Variants in ARRDC2 observed in about 807,000 individuals in gnomAD.
The protein encoded by ARRDC2 is arrestin domain-containing protein 2.
ARRDC2 carries 39 observed loss-of-function variants against 38.9 expected under a neutral mutation model. The observed-to-expected ratio is 1.00, with a 90% CI of 0.78 to 1.31. ARRDC2 has a LOEUF of 1.31. ARRDC2 is among the 50% of genes most tolerant of loss of function. The pLI, the probability that ARRDC2 is intolerant of heterozygous loss-of-function variation, is 0.00. For missense variants in ARRDC2, 553 were observed against 588.4 expected, an observed-to-expected ratio of 0.94 and a Z score of 0.62; for synonymous variants, 300 against 261.9, an observed-to-expected ratio of 1.15 and a Z score of -1.41.
upstream of ARRDC2, among the ~76,000 whole-genome samples, chr19:18,004,245 C>CTTTT (rs34248029): frequency 7.0e-5 from 8 of 114,778 alleles, no homozygotes; most frequent in East Asian, 2.9e-4. Context: ...GCCGGGCTAA[C>CTTTT]TTTTTTTTTT....
chr19:18,009,220 C>T (rs1391772531), intron 3 of ARRDC2, 102 bp downstream of exon 3: 15 of 1,396,396 alleles, frequency 1.1e-5, no homozygotes, highest in Admixed American at 2.0e-5. Context: ...CATAGGTGGG[C>T]CCTGGCAGGG....
At chr19:18,009,538 G>A (rs911725538) in intron 3 of ARRDC2, 54 bp from the exon 4 acceptor site, 12 of 1,494,476 alleles carry the variant, frequency 8.0e-6, no homozygotes, top group African/African-American at 2.8e-5. Context: ...GCTCCACAGC[G>A]ACTGTGGTTT....
At chr19:18,005,576 G>A (rs2033255622), upstream of ARRDC2, among the ~76,000 whole-genome samples, 2 of 150,900 alleles carry the variant, frequency 1.3e-5, no homozygotes, top group Non-Finnish European at 3.0e-5. Flanking sequence ...GCCGGGCAGA[G>A]GTGCCCCCTC....
At chr19:18,006,434 G>A (rs928761880), upstream of ARRDC2, among the ~76,000 whole-genome samples, 4 of 152,208 alleles carry the variant, frequency 2.6e-5, no homozygotes, top group African/African-American at 7.2e-5. Context: ...AGACCAGCCG[G>A]GCCAACACAG....
At position 18,001,589 on chromosome 19, in the gene ARRDC2, C is replaced by G. The variant is rs533797268; in HGVS notation, c.259+16C>G. ...CTGCTCCGAGGTGAGACACTCGTCG[C>G]GCCGCCCCCGCAGCAGCCGGGACCC... On this transcript the variant is annotated intron_variant, in intron 1 of 7. Coordinates refer to the ARRDC2 transcript ENST00000379656. 1,926 of 1,307,628 alleles carry G rather than the reference C, an allele frequency of 1.5e-3. 3 individuals are homozygous for G. The highest frequency in any genetic ancestry group is 2.6e-3 in the Middle Eastern group (9 of 3,448). 81.0% of individuals were successfully genotyped at this position (1,307,628 alleles called of 1,614,324 possible).
chr19:18,011,170 G>A (rs1205078139), intron 7 of ARRDC2, among the ~76,000 whole-genome samples: 1 of 152,126 alleles, frequency 6.6e-6, no homozygotes, highest in Non-Finnish European at 1.5e-5. Flanking sequence ...GCTAATTTTT[G>A]TATTTTTAGT....
chr19:18,003,098 TCAAAAA>T (rs960345302), intron 1 of ARRDC2, among the ~76,000 whole-genome samples: 31 of 151,686 alleles, frequency 2.0e-4, no homozygotes, highest in African/African-American at 4.6e-4. Flanking sequence ...AAACTCCGTC[TCAAAAA>T]CAAAAACAAA....
Position 18,009,654 on chromosome 19 carries a change from C to T in ARRDC2, c.552C>T (p.Val184=). 1 of 1,611,196 alleles carries T rather than the reference C, an allele frequency of 6.2e-7. No homozygotes were observed. Among genetic ancestry groups the T allele is most frequent in the Non-Finnish European group, 8.5e-7 (1 of 1,177,826 alleles). The part of the protein sequence containing the change: ...ARSWYCNRGL[V]SLSAKIDRKG... Reference sequence around the variant, plus strand: ...CCTGGTACTGTAACCGTGGCCTAGTCTCCCTTTCGGCCAAGATCGACCGCA... The same window carrying T: ...CCTGGTACTGTAACCGTGGCCTAGTTTCCCTTTCGGCCAAGATCGACCGCA... Residue 184 remains valine (V), a synonymous_variant, in exon 4 of 8, where the codon GTC becomes GTT. Coordinates refer to ENST00000222250, the MANE Select transcript of ARRDC2 (RefSeq NM_015683.2).
chr19:18,004,239 G>A (rs2033230775), upstream of ARRDC2, among the ~76,000 whole-genome samples: 2 of 144,132 alleles, frequency 1.4e-5, no homozygotes, highest in Admixed American at 1.4e-4. Flanking sequence ...AAATTAGCCG[G>A]GCTAACTTTT....
At chr19:18,001,638 G>A in intron 1 of ARRDC2, 1 of 1,270,000 alleles carries the variant, frequency 7.9e-7, no homozygotes, top group Non-Finnish European at 9.9e-7. Flanking sequence ...CCTCTTCAGG[G>A]CCGGAAGCCT....
chr19:18,009,440 C>T (rs1473721625), intron 3 of ARRDC2, 152 bp from the exon 4 acceptor site: 10 of 711,032 alleles, frequency 1.4e-5, no homozygotes, highest in Non-Finnish European at 1.9e-5. Flanking sequence ...GGTTGTGTTC[C>T]TGGCTCTATT....
exon 1 of ARRDC2, chr19:18,001,563 G>C (rs987116358): frequency 5.2e-6 from 7 of 1,356,162 alleles, no homozygotes; most frequent in Non-Finnish European, 6.7e-6. Context: ...GTCGGCAGCT[G>C]CTGCTCCGAG....
intron 1 of ARRDC2, among the ~76,000 whole-genome samples, chr19:18,002,776 C>G (rs530908798): frequency 6.6e-6 from 1 of 152,124 alleles, no homozygotes; most frequent in Non-Finnish European, 1.5e-5. Context: ...ACCCGAAGGC[C>G]GGCCCAGACA....
Position 18,010,232 on chromosome 19 carries a change from C to T in ARRDC2, c.886C>T (p.Leu296=). The T allele has an allele frequency of 1.9e-6, 3 of 1,613,690 alleles. No individual in the cohort carries two copies. The highest frequency in any genetic ancestry group is 2.5e-6 in the Non-Finnish European group (3 of 1,179,952). ...VDIPGTSKLL[L]ELPLVIGTIP... is the part of the protein sequence containing the mutation. ...TATCCCAGGAACGTCCAAGCTGCTG[C>T]TGGAGCTGCCACTGGTGATCGGCAC... The change falls in exon 6 of 8, where the codon CTG becomes TTG. Residue 296 remains leucine, a synonymous_variant. Coordinates refer to ENST00000222250, the MANE Select transcript of ARRDC2 (RefSeq NM_015683.2).
chr19:18,013,153 T>G lies in ARRDC2; in HGVS notation c.*187T>G. 1.6e-6 allele frequency: 1 copy of G among 610,744 alleles called. No individual in the cohort carries two copies. The highest frequency in any genetic ancestry group is 2.9e-6 in the Non-Finnish European group (1 of 349,516). 37.8% of individuals were successfully genotyped at this position (610,744 alleles called of 1,614,324 possible). A position where few individuals can be genotyped will look rare whatever the true frequency, so the allele number is the denominator to read the frequency against. The stretch of plus-strand genomic sequence containing the variant: ...AGGAAGAGCCCGGCTGGAATCTGAC[T>G]TACCTGGACCGCTGTCCTTGTGAGG... On this transcript the variant is annotated 3_prime_UTR_variant, in exon 8 of 8. Coordinates refer to ENST00000222250, the MANE Select transcript of ARRDC2 (RefSeq NM_015683.2).
chr19:18,001,334 G>A, exon 1 of ARRDC2: 1 of 1,194,992 alleles, frequency 8.4e-7, no homozygotes, highest in Non-Finnish European at 1.0e-6. Flanking sequence ...GGGGGCGTGC[G>A]CAGCTTCGCG....
At chr19:18,006,692 A>G (rs906435411), upstream of ARRDC2, among the ~76,000 whole-genome samples, 4 of 152,172 alleles carry the variant, frequency 2.6e-5, no homozygotes, top group Non-Finnish European at 5.9e-5. Flanking sequence ...ATTTAAGGAA[A>G]AAACAGTGAC....
At position 18,009,911 on chromosome 19, in the gene ARRDC2, G is replaced by C; in HGVS notation, c.721G>C (p.Ala241Pro). 2 of 1,607,366 alleles carry C rather than the reference G, an allele frequency of 1.2e-6. No homozygotes were observed. The highest frequency in any genetic ancestry group is 1.7e-6 in the Non-Finnish European group (2 of 1,179,058). Residue 241 changes from alanine to proline, a missense_variant, in exon 5 of 8, where the codon GCC (alanine) becomes CCC (proline). Transcript: ENST00000222250. ...GARKQKRAVVASLAGEPVGPG... is the reference protein window; with the variant it reads ...GARKQKRAVVPSLAGEPVGPG... ...CCGAAAGCAGAAACGGGCAGTGGTGGCCAGCCTCGCGGGCGAGCCGGTGGG... is the reference window on the plus strand; with the variant it reads ...CCGAAAGCAGAAACGGGCAGTGGTGCCCAGCCTCGCGGGCGAGCCGGTGGG...
chr19:18,001,419 G>T (rs1183802419), exon 1 of ARRDC2: 8 of 1,229,726 alleles, frequency 6.5e-6, no homozygotes, highest in Non-Finnish European at 8.1e-6. Flanking sequence ...TGCTGGAGGC[G>T]GCGGCGCCGC....
Sources: gnomAD v4.1 joint callset for allele counts (sites outside exome capture counted in the v4.1 genomes callset) on GRCh38, gnomAD v4.1.1 for gene constraint, MANE v1.5 for transcripts, NCBI Gene and HGNC (gene_info 2026-07-23, HGNC 2026-07-21) for gene names.